MPDZ: variants seen among roughly 807,000 people sequenced by gnomAD.
MPDZ encodes multiple PDZ domain protein.
MPDZ carries 234 observed loss-of-function variants against 239.1 expected under a neutral mutation model. That is an observed-to-expected ratio of 0.98 (90% CI 0.88 to 1.09). The LOEUF is 1.09. Ranked by LOEUF, MPDZ falls within the 50% of genes least tolerant of loss-of-function variation. MPDZ has a pLI of 0.00. For synonymous variants in MPDZ, 1,048 were observed against 881.3 expected, an observed-to-expected ratio of 1.19 and a Z score of -3.35; for missense variants, 3,175 against 2,510.0, an observed-to-expected ratio of 1.26 and a Z score of -5.66.
At chr9:13,140,701 A>C (rs1288750767) in intron 27 of MPDZ, 1 of 152,112 alleles carries the variant, frequency 6.6e-6, no homozygotes, top group Non-Finnish European at 1.5e-5. Flanking sequence ...AATGTCATTC[A>C]AAAGTTATAA....
At chr9:13,145,636 T>G (rs1948330063) in intron 26 of MPDZ, among the ~76,000 whole-genome samples, 1 of 151,994 alleles carries the variant, frequency 6.6e-6, no homozygotes, top group African/African-American at 2.4e-5. Context: ...AATGCAAAAT[T>G]AACTTTAATT....
At chr9:13,151,628 G>A (rs1317354748) in intron 24 of MPDZ, among the ~76,000 whole-genome samples, 1 of 151,994 alleles carries the variant, frequency 6.6e-6, no homozygotes, top group South Asian at 2.1e-4. Flanking sequence ...TGGTTGCCTG[G>A]GATGGGAAGA....
intron 1 of MPDZ, among the ~76,000 whole-genome samples, chr9:13,270,171 TA>T (rs1972641352): frequency 6.6e-6 from 1 of 152,214 alleles, no homozygotes; most frequent in Non-Finnish European, 1.5e-5. Context: ...CTCAAAAGAC[TA>T]AACATTAATA....
At chr9:13,168,243 A>G in intron 22 of MPDZ, 123 bp downstream of exon 22, 1 of 880,026 alleles carries the variant, frequency 1.1e-6, no homozygotes. Context: ...TTCTTGAGTG[A>G]TTTATGTTAA....
intron 28 of MPDZ, among the ~76,000 whole-genome samples, chr9:13,138,728 A>G (rs975960760): frequency 6.6e-6 from 1 of 152,148 alleles, no homozygotes; most frequent in Non-Finnish European, 1.5e-5. Flanking sequence ...CTCCTACCCC[A>G]CATCTTCAAG....
chr9:13,136,249 G>T (rs1946725851), intron 30 of MPDZ, 67 bp from the exon 31 acceptor site: 4 of 1,031,230 alleles, frequency 3.9e-6, no homozygotes, highest in South Asian at 1.6e-5. Context: ...TACTTCAAGA[G>T]TCAGAAGGTT....
Position 13,133,914 on chromosome 9 carries a change from G to A in MPDZ, c.4384-10C>T, listed in dbSNP as rs368498513. The A allele has an allele frequency of 3.4e-6, 5 of 1,476,568 alleles. No homozygotes were observed. Among genetic ancestry groups the A allele is most frequent in the Non-Finnish European group, 4.5e-6 (5 of 1,101,078 alleles). 91.5% of individuals were successfully genotyped at this position (1,476,568 alleles called of 1,614,324 possible). ...TAACAGTTGGCTCTGTCTGACAGAG[G>A]GAAAGAAATGACAAAAAGAGCAACT... is the stretch of plus-strand genomic sequence containing the variant. On this transcript the variant is annotated splice_polypyrimidine_tract_variant and intron_variant, in intron 31 of 46. Coordinates refer to ENST00000319217, the MANE Select transcript of MPDZ (RefSeq NM_001378778.1).
chr9:13,250,475 T>C (rs1486759520), intron 1 of MPDZ, 103 bp from the exon 2 acceptor site: 4 of 620,316 alleles, frequency 6.4e-6, no homozygotes, highest in Non-Finnish European at 1.1e-5. Flanking sequence ...CCTTTGACCA[T>C]TAAAATCTTG....
At chr9:13,142,379 T>A (rs1198407280) in intron 27 of MPDZ, among the ~76,000 whole-genome samples, 1 of 152,116 alleles carries the variant, frequency 6.6e-6, no homozygotes, top group Non-Finnish European at 1.5e-5. Context: ...TGAGGGGCAA[T>A]CAGGTGTTAT....
chr9:13,188,931 A>C lies in MPDZ; in HGVS notation c.2217T>G (p.Ala739=). 1 of 1,613,496 alleles carries C rather than the reference A, an allele frequency of 6.2e-7. No individual in the cohort carries two copies. The highest frequency in any genetic ancestry group is 1.1e-5 in the South Asian group (1 of 91,072). Residue 739 remains alanine (A), a synonymous_variant, in exon 17 of 47, where the codon GCT becomes GCG. Transcript: ENST00000319217. The part of the protein sequence containing the change: ...IIRSLVPGGI[A]EKDGRLLPGD... Reference sequence around the variant, plus strand: ...CAGGAAGAAGTCGTCCATCCTTTTCAGCAATGCCGCCAGGCACCAAAGAAC... The same window carrying C: ...CAGGAAGAAGTCGTCCATCCTTTTCCGCAATGCCGCCAGGCACCAAAGAAC...
chr9:13,272,700 T>TAAAAAAAAA (rs539786957), intron 1 of MPDZ, among the ~76,000 whole-genome samples: 1 of 78,584 alleles, frequency 1.3e-5, no homozygotes, highest in Admixed American at 1.5e-4. Context: ...CTGTTCCTAC[T>TAAAAAAAAA]AAAAAAAAAA....
intron 42 of MPDZ, among the ~76,000 whole-genome samples, chr9:13,112,527 T>G (rs1942671808): frequency 6.6e-6 from 1 of 152,182 alleles, no homozygotes; most frequent in African/African-American, 2.4e-5. Flanking sequence ...TCATTAGATC[T>G]TCATTTACAA....
At chr9:13,278,873 G>T (rs1195282982) in intron 1 of MPDZ, among the ~76,000 whole-genome samples, 1 of 151,970 alleles carries the variant, frequency 6.6e-6, no homozygotes, top group Non-Finnish European at 1.5e-5. Flanking sequence ...ACGGCGGATG[G>T]GGCGTCCGGG....
At chr9:13,182,620 T>C (rs565014237) in intron 19 of MPDZ, among the ~76,000 whole-genome samples, 1 of 152,068 alleles carries the variant, frequency 6.6e-6, no homozygotes, top group East Asian at 1.9e-4. Context: ...CCAAAAGATA[T>C]GAAGAGATCT....
Position 13,112,070 on chromosome 9 carries a change from G to T in MPDZ, c.5678C>A (p.Ala1893Glu). Residue 1893 changes from alanine (A) to glutamate (E), a missense_variant, in exon 43 of 47, where the codon GCA becomes GAA. Coordinates refer to ENST00000319217, the MANE Select transcript of MPDZ (RefSeq NM_001378778.1). ...TGCAACTCCAGTTGGGTGCATCATT[G>T]CAATAAATATAGGCACATCACCAAG... The part of the protein sequence containing the change: ...SPLGDVPIFI[A>E]MMHPTGVAAQ... 1 of 1,613,602 alleles carries T rather than the reference G, an allele frequency of 6.2e-7. No homozygotes were observed. Among genetic ancestry groups the T allele is most frequent in the Non-Finnish European group, 8.5e-7 (1 of 1,179,612 alleles).
chr9:13,223,288 C>A (rs1425582448), intron 5 of MPDZ, among the ~76,000 whole-genome samples: 2 of 151,318 alleles, frequency 1.3e-5, no homozygotes, highest in Non-Finnish European at 3.0e-5. Flanking sequence ...TTTTAAAAAT[C>A]TAATCAAAAA....
At chr9:13,153,441 G>GT (rs1563916991) in intron 24 of MPDZ, among the ~76,000 whole-genome samples, 1 of 151,974 alleles carries the variant, frequency 6.6e-6, no homozygotes, top group African/African-American at 2.4e-5. Flanking sequence ...CCCTATTTTT[G>GT]TTTGTTTTTG....
At chr9:13,110,601 T>G in intron 44 of MPDZ, 35 bp downstream of exon 44, 1 of 1,471,672 alleles carries the variant, frequency 6.8e-7, no homozygotes. Flanking sequence ...TCAGGCTACC[T>G]ATATTCTGAA....
chr9:13,115,890 A>G lies in MPDZ; in HGVS notation c.5380-556T>C, dbSNP rs1369463134. 2.0e-5 allele frequency among the ~76,000 whole-genome samples: 3 copies of G among 146,968 alleles called. No homozygotes were observed. The East Asian group carries it at 6.1e-4, about 30-fold the overall frequency. ...AACCTGGGAGGCGGAGCTTGCAGTG[A>G]GCCAAGATCATGCCACTGCACTCCA... is the stretch of plus-strand genomic sequence containing the variant. On this transcript the variant is annotated intron_variant, in intron 39 of 46. Transcript: ENST00000319217.
Sources: allele counts gnomAD v4.1 joint callset (sites outside exome capture counted in the v4.1 genomes callset), GRCh38; gene constraint gnomAD v4.1.1; transcripts MANE v1.5; gene names NCBI Gene and HGNC (gene_info 2026-07-23, HGNC 2026-07-21).